The following BRSK2 variants were observed in gnomAD, a reference collection of about 807,000 sequenced individuals.
BRSK2 encodes the protein BR serine/threonine kinase 2, also known as serine/threonine-protein kinase BRSK2.
In BRSK2, 19 loss-of-function variants were observed where a neutral mutation model predicts 83.3. The ratio of observed to expected loss-of-function variants is 0.23; its 90% CI spans 0.16 to 0.33. BRSK2 has a LOEUF of 0.33. Among genes scored for constraint, BRSK2 ranks in the 10% least tolerant of loss-of-function variants. The pLI is 1.00. For missense variants in BRSK2, 798 were observed against 1,042.3 expected, an observed-to-expected ratio of 0.77 and a Z score of 3.23; for synonymous variants, 519 against 435.4, an observed-to-expected ratio of 1.19 and a Z score of -2.39.
chr11:1,454,113 C>T lies in BRSK2; in HGVS notation c.1545-372C>T. On this transcript the variant is annotated intron_variant, in intron 15 of 19. Coordinates refer to ENST00000528841, the MANE Select transcript of BRSK2 (RefSeq NM_001256627.2). This position sits in a 1 kb window ranked among gnomAD's most constrained non-coding sequence, Gnocchi z 5.2. ...TCCTGGGGGTGGGGGGCACAGCTGA[C>T]TTCAGGAGCCCAGCTTGAGCCACCT... is the stretch of plus-strand genomic sequence containing the variant. 1.1e-5 allele frequency: 2 copies of T among 177,442 alleles called. No individual in the cohort carries two copies. Among genetic ancestry groups the T allele is most frequent in the South Asian group, 1.3e-4 (1 of 7,408 alleles). The allele number at this position is 177,442 out of a possible 1,614,324, so 11.0% of individuals were successfully genotyped here.
At chr11:1,405,108 C>G (rs1167402826) in intron 1 of BRSK2, among the ~76,000 whole-genome samples, 1 of 152,006 alleles carries the variant, frequency 6.6e-6, no homozygotes, top group Admixed American at 6.5e-5. Context: ...CAGCCCCTCC[C>G]CAGGGAGGTC....
At chr11:1,429,359 G>A (rs1849684212) in intron 1 of BRSK2, among the ~76,000 whole-genome samples, 1 of 151,956 alleles carries the variant, frequency 6.6e-6, no homozygotes, top group African/African-American at 2.4e-5. Context: ...TGCACTCGGT[G>A]TGTGGGTGTG....
intron 3 of BRSK2, among the ~76,000 whole-genome samples, chr11:1,439,892 A>ACTGCCTTCCCCTGCCCGGGGGGTTCAC (rs149763187): frequency 6.7e-6 from 1 of 148,642 alleles, no homozygotes; most frequent in African/African-American, 2.6e-5. Flanking sequence ...TGGGGGCTTC[A>ACTGCCTTCCCCTGCCCGGGGGGTTCAC]CACCTTCCCC....
At chr11:1,459,503 C>G (rs1847131069) in intron 19 of BRSK2, 1 of 518,610 alleles carries the variant, frequency 1.9e-6, no homozygotes, top group East Asian at 3.2e-5. Context: ...AAGGGGCTCC[C>G]AAGGCCTGAA....
intron 18 of BRSK2, among the ~76,000 whole-genome samples, chr11:1,457,488 G>A (rs1846745159): frequency 6.6e-6 from 1 of 152,188 alleles, no homozygotes; most frequent in Admixed American, 6.5e-5. Context: ...GGCAGGGAGG[G>A]CTCCCCCCAC....
At chr11:1,428,864 G>A (rs1325338930) in intron 1 of BRSK2, among the ~76,000 whole-genome samples, 1 of 152,092 alleles carries the variant, frequency 6.6e-6, no homozygotes, top group South Asian at 2.1e-4. Flanking sequence ...CGTACTGTGT[G>A]TGCATGGGTG....
At position 1,411,318 on chromosome 11, in the gene BRSK2, G is replaced by A. The variant is rs1254965034; in HGVS notation, c.91+20943G>A. On this transcript the variant is annotated intron_variant, in intron 1 of 19. Transcript: ENST00000528841. ...CCATGGCCTGCCCGGGTGGGGTCCT[G>A]AAGCTGGGGCCGGAGCAGGGGGCAC... is the stretch of plus-strand genomic sequence containing the variant. 3.0e-6 allele frequency: 4 copies of A among 1,352,278 alleles called. No individual in the cohort carries two copies. In the Admixed American group the frequency reaches 1.0e-4, roughly 35 times the overall value. The allele number at this position is 1,352,278 out of a possible 1,614,324, so 83.8% of individuals were successfully genotyped here.
In BRSK2 at chr11:1,390,501, A is replaced by G. The variant is rs1590271391; in HGVS notation, c.91+126A>G. ...CCGGCCCGGGCCCCGGCCGCGAACA[A>G]TGGGCGGCCCGTGCGCCCCCGTCCG... On this transcript the variant is annotated intron_variant, in intron 1 of 19. Coordinates refer to ENST00000528841, the MANE Select transcript of BRSK2 (RefSeq NM_001256627.2). The surrounding 1 kb of genome is among the most constrained non-coding windows in gnomAD (Gnocchi z 6.8). 11 of 334,146 alleles carry G rather than the reference A, an allele frequency of 3.3e-5. No individual in the cohort carries two copies. The highest frequency in any genetic ancestry group is 1.1e-4 in the South Asian group (1 of 8,972). 20.7% of individuals were successfully genotyped at this position (334,146 alleles called of 1,614,324 possible).
At chr11:1,456,803 G>A in intron 18 of BRSK2, 116 bp downstream of exon 18, 2 of 1,323,130 alleles carry the variant, frequency 1.5e-6, no homozygotes, top group Non-Finnish European at 2.1e-6. Flanking sequence ...CCTCTTGACG[G>A]ACGCCCCCAC....
In BRSK2 at chr11:1,454,163, G is replaced by GGCTCACCTGTGGGGT. The variant is rs1846172655; in HGVS notation, c.1545-308_1545-307insTGCTCACCTGTGGGG. Reference sequence around the variant, plus strand: ...TCTCACAGCGGCCTTGGTGAGGGGGGGCTCACCTGTGGGGGGCTCACCTGT... The same window carrying GGCTCACCTGTGGGGT: ...TCTCACAGCGGCCTTGGTGAGGGGGGGCTCACCTGTGGGGTGCTCACCTGTGGGGGGCTCACCTGT... On this transcript the variant is annotated intron_variant, in intron 15 of 19. Coordinates refer to ENST00000528841, the MANE Select transcript of BRSK2 (RefSeq NM_001256627.2). This position sits in a 1 kb window ranked among gnomAD's most constrained non-coding sequence, Gnocchi z 5.2. 4.6e-6 allele frequency: 1 copy of GGCTCACCTGTGGGGT among 218,790 alleles called. No individual in the cohort carries two copies. The highest frequency in any genetic ancestry group is 9.0e-6 in the Non-Finnish European group (1 of 110,600). The allele number at this position is 218,790 out of a possible 1,614,324, so 13.6% of individuals were successfully genotyped here. A position where few individuals can be genotyped will look rare whatever the true frequency, so the allele number is the denominator to read the frequency against.
intron 16 of BRSK2, among the ~76,000 whole-genome samples, chr11:1,455,477 C>T (rs1846395322): frequency 6.6e-6 from 1 of 152,086 alleles, no homozygotes; most frequent in Non-Finnish European, 1.5e-5. Context: ...CCACCATATG[C>T]TCTGCCCCCG....
chr11:1,449,666 G>A (rs941736679), intron 12 of BRSK2, 110 bp from the exon 13 acceptor site: 1 of 886,472 alleles, frequency 1.1e-6, no homozygotes, highest in African/African-American at 1.7e-5. Context: ...CGAGGCTCTT[G>A]GCCCGGGCTC....
At chr11:1,450,843 G>C in intron 14 of BRSK2, 49 bp downstream of exon 14, 2 of 1,518,446 alleles carry the variant, frequency 1.3e-6, no homozygotes, top group South Asian at 2.5e-5. Context: ...GAGAGCAGAG[G>C]CTGCCTTGGG....
intron 1 of BRSK2, among the ~76,000 whole-genome samples, chr11:1,433,081 C>T (rs12793789): frequency 3.8e-4 from 1 of 2,658 alleles, no homozygotes; most frequent in African/African-American, 1.1e-3. Context: ...AGCAGTGAGC[C>T]TCTTCTGCGG....
At chr11:1,448,169 C>A (rs1488881521) in intron 12 of BRSK2, among the ~76,000 whole-genome samples, 1 of 152,206 alleles carries the variant, frequency 6.6e-6, no homozygotes, top group Non-Finnish European at 1.5e-5. Context: ...TGTGCTGTGT[C>A]CGGTGGGCCT....
At chr11:1,443,180 G>A (rs1851592385) in intron 6 of BRSK2, 41 bp downstream of exon 6, 2 of 1,534,772 alleles carry the variant, frequency 1.3e-6, no homozygotes, top group African/African-American at 1.4e-5. Flanking sequence ...GGGGCCCAGG[G>A]TGGCGGGGAC....
chr11:1,416,460 G>A (rs760709838), intron 1 of BRSK2, among the ~76,000 whole-genome samples: 33 of 152,214 alleles, frequency 2.2e-4, no homozygotes, highest in Admixed American at 1.7e-3. Flanking sequence ...TCTCCCTGAG[G>A]CTGTGGCCTG....
chr11:1,437,584 G>A (rs1391538592), intron 2 of BRSK2, among the ~76,000 whole-genome samples: 1 of 152,190 alleles, frequency 6.6e-6, no homozygotes. Flanking sequence ...AGTACCAGCT[G>A]GGAGCCTGTG....
intron 12 of BRSK2, among the ~76,000 whole-genome samples, chr11:1,446,405 TGGCTGAGCCGAGCCAGGCTGGGCAG>T (rs1354284027): frequency 2.9e-5 from 4 of 137,498 alleles, no homozygotes; most frequent in Admixed American, 2.1e-4. Flanking sequence ...AAACTGGATT[TGGCTGAGCCGAGCCAGGCTGGGCAG>T]GGCTGAGCTG....
Sources: gnomAD v4.1 joint callset for allele counts (sites outside exome capture counted in the v4.1 genomes callset) on GRCh38, gnomAD v4.1.1 for gene constraint, Gnocchi (gnomAD v3.1) non-coding constraint, MANE v1.5 for transcripts, NCBI Gene and HGNC (gene_info 2026-07-23, HGNC 2026-07-21) for gene names.